The following RORA variants were observed in gnomAD, a reference collection of about 807,000 sequenced individuals.
RORA encodes nuclear receptor ROR-alpha.
RORA carries 7 observed loss-of-function variants against 69.5 expected under a neutral mutation model. That is an observed-to-expected ratio of 0.10 (90% CI 0.06 to 0.19). RORA has a LOEUF of 0.19. Among genes scored for constraint, RORA ranks in the 10% least tolerant of loss-of-function variants. The pLI, the probability that RORA is intolerant of heterozygous loss-of-function variation, is 1.00. For missense variants in RORA, 457 were observed against 663.0 expected (o/e 0.69, Z 3.41); for synonymous variants, 261 against 240.8 (o/e 1.08, Z -0.78).
At chr15:60,569,099 T>G (rs890167802) in intron 2 of RORA, among the ~76,000 whole-genome samples, 1 of 151,874 alleles carries the variant, frequency 6.6e-6, no homozygotes, top group African/African-American at 2.4e-5. Flanking sequence ...TGGTAAGAGG[T>G]ATTATATATA....
intron 1 of RORA, among the ~76,000 whole-genome samples, chr15:61,026,409 ATTCTGTTCAC>A (rs1291993712): frequency 6.6e-6 from 1 of 152,218 alleles, no homozygotes; most frequent in African/African-American, 2.4e-5. Context: ...AACGGTAGCC[ATTCTGTTCAC>A]TTTTTATACA....
intron 1 of RORA, among the ~76,000 whole-genome samples, chr15:60,985,165 T>A (rs888070304): frequency 6.6e-6 from 1 of 152,252 alleles, no homozygotes; most frequent in Non-Finnish European, 1.5e-5. Flanking sequence ...CTAAGGTTTG[T>A]ATCTTTCTTG....
Position 60,886,894 on chromosome 15 carries a change from A to C in RORA, c.167-208208T>G, listed in dbSNP as rs574451392. 3.3e-4 allele frequency among the ~76,000 whole-genome samples: 51 copies of C among 152,294 alleles called. 1 individual carries two copies. The highest frequency in any genetic ancestry group is 1.2e-3 in the African/African-American group (50 of 41,566). The stretch of plus-strand genomic sequence containing the variant: ...ACTTGGAAGACGACTGAGAACTTTG[A>C]AATCCCTACCCTTTGCAAGGACCAG... On this transcript the variant is annotated intron_variant, in intron 1 of 10. Transcript: ENST00000335670.
At chr15:60,831,357 C>T (rs1396802922) in intron 1 of RORA, among the ~76,000 whole-genome samples, 1 of 152,114 alleles carries the variant, frequency 6.6e-6, no homozygotes, top group Non-Finnish European at 1.5e-5. Flanking sequence ...GTGGTCACAC[C>T]TGTGTCCTCT....
chr15:60,855,441 TG>T (rs2073368962), intron 1 of RORA, among the ~76,000 whole-genome samples: 1 of 152,200 alleles, frequency 6.6e-6, no homozygotes, highest in Admixed American at 6.5e-5. Context: ...TTATTCCACT[TG>T]GTGAAACTGG....
intron 1 of RORA, among the ~76,000 whole-genome samples, chr15:60,976,803 G>A (rs1328551110): frequency 6.6e-6 from 1 of 152,174 alleles, no homozygotes; most frequent in Non-Finnish European, 1.5e-5. Flanking sequence ...CCTTGCACCA[G>A]TTCTTTTGGC....
intron 1 of RORA, among the ~76,000 whole-genome samples, chr15:61,051,302 G>A (rs577926701): frequency 1.2e-4 from 19 of 152,216 alleles, no homozygotes; most frequent in African/African-American, 4.1e-4. Context: ...AGTAGGGGCT[G>A]GCTACCTACT....
At chr15:60,763,797 C>T (rs983853418) in intron 1 of RORA, 2 of 152,306 alleles carry the variant, frequency 1.3e-5, no homozygotes, top group African/African-American at 2.4e-5. Context: ...GTTTTCCCAC[C>T]TCCGGAGGCT....
intron 1 of RORA, among the ~76,000 whole-genome samples, chr15:61,172,524 C>G (rs1250795345): frequency 6.6e-6 from 1 of 152,146 alleles, no homozygotes; most frequent in East Asian, 1.9e-4. Flanking sequence ...GATGCTCCAC[C>G]AGGGGCTCTC....
At chr15:61,151,372 T>C (rs36085680) in intron 1 of RORA, among the ~76,000 whole-genome samples, 1 of 152,058 alleles carries the variant, frequency 6.6e-6, no homozygotes, top group African/African-American at 2.4e-5. Context: ...CTAAATAGGC[T>C]GAGTGAATAG....
At chr15:61,084,459 ATTTATTTGACC>A (rs1290491606) in intron 1 of RORA, among the ~76,000 whole-genome samples, 34 of 152,346 alleles carry the variant, frequency 2.2e-4, no homozygotes, top group African/African-American at 7.5e-4. Flanking sequence ...GAGATGGATA[ATTTATTTGACC>A]TTTTTCAGAG....
intron 1 of RORA, among the ~76,000 whole-genome samples, chr15:60,696,355 C>T (rs1419159694): frequency 1.3e-5 from 2 of 151,998 alleles, no homozygotes; most frequent in African/African-American, 2.4e-5. Context: ...CACTTTCTTT[C>T]CACTTAGGCT....
intron 1 of RORA, among the ~76,000 whole-genome samples, chr15:61,129,166 C>A (rs1415324822): frequency 6.6e-6 from 1 of 152,120 alleles, no homozygotes; most frequent in Non-Finnish European, 1.5e-5. Flanking sequence ...TTCTAGATAT[C>A]TTCCCCAATT....
rs141409620 is a variant in RORA, at chr15:60,699,350, C to T, written c.167-20664G>A. 7.2e-5 allele frequency among the ~76,000 whole-genome samples: 11 copies of T among 151,836 alleles called. No individual in the cohort carries two copies. The East Asian group carries it at 1.5e-3, about 21-fold the overall frequency. ...ATTATCTAAATATACTTTTTTCTTG[C>T]TCTAGTTTAGCTTGCACAGAAATTG... On this transcript the variant is annotated intron_variant, in intron 1 of 10. Coordinates refer to ENST00000335670, the MANE Select transcript of RORA (RefSeq NM_134261.3).
chr15:61,084,871 G>A (rs111560588), intron 1 of RORA, among the ~76,000 whole-genome samples: 6 of 142,328 alleles, frequency 4.2e-5, no homozygotes, highest in Non-Finnish European at 6.1e-5. Flanking sequence ...TTTCTGCCAT[G>A]AGCTTTAGCA....
chr15:60,788,267 A>T (rs749085012), intron 1 of RORA, among the ~76,000 whole-genome samples: 2 of 152,216 alleles, frequency 1.3e-5, no homozygotes, highest in Non-Finnish European at 2.9e-5. Context: ...ATGATGCACA[A>T]GACACATCTC....
At chr15:60,840,147 A>G (rs1295577339) in intron 1 of RORA, among the ~76,000 whole-genome samples, 2 of 152,100 alleles carry the variant, frequency 1.3e-5, no homozygotes, top group African/African-American at 2.4e-5. Context: ...AGCAATTAGA[A>G]CTGTTTCTGG....
intron 1 of RORA, among the ~76,000 whole-genome samples, chr15:60,994,475 A>G (rs1484132310): frequency 6.6e-6 from 1 of 152,162 alleles, no homozygotes; most frequent in Admixed American, 6.5e-5. Context: ...TTCTCCTTTG[A>G]CTACCATTTC....
At chr15:60,639,377 C>T (rs916676280) in intron 2 of RORA, among the ~76,000 whole-genome samples, 1 of 152,052 alleles carries the variant, frequency 6.6e-6, no homozygotes, top group African/African-American at 2.4e-5. Context: ...TAAAAGCCAT[C>T]GAAGCTTCAA....
Sources: allele counts gnomAD v4.1 joint callset (sites outside exome capture counted in the v4.1 genomes callset), GRCh38; gene constraint gnomAD v4.1.1; transcripts MANE v1.5; gene names NCBI Gene and HGNC (gene_info 2026-07-23, HGNC 2026-07-21).